RGL1: variants seen among roughly 807,000 people sequenced by gnomAD.
RGL1 encodes ral guanine nucleotide dissociation stimulator-like 1.
A neutral mutation model predicts 95.2 loss-of-function variants in RGL1; 24 were observed. The observed-to-expected ratio is 0.25, with a 90% CI of 0.18 to 0.35. The LOEUF is 0.35. Ranked by LOEUF, RGL1 falls within the 10% of genes least tolerant of loss-of-function variation. The pLI is 1.00. For missense variants in RGL1, 715 were observed against 936.3 expected (o/e 0.76, Z 3.08); for synonymous variants, 329 against 344.9 (o/e 0.95, Z 0.51).
intron 2 of RGL1, among the ~76,000 whole-genome samples, chr1:183,750,007 C>A (rs971565130): frequency 6.6e-6 from 1 of 152,142 alleles, no homozygotes; most frequent in Non-Finnish European, 1.5e-5. Context: ...TTCTTCATTT[C>A]AACCTTGGTG....
intron 2 of RGL1, among the ~76,000 whole-genome samples, chr1:183,749,006 CT>C (rs1429229704): frequency 6.6e-6 from 1 of 152,136 alleles, no homozygotes; most frequent in Non-Finnish European, 1.5e-5. Context: ...GATTTCAATT[CT>C]TTTACATTTG....
intron 1 of RGL1, among the ~76,000 whole-genome samples, chr1:183,715,630 A>T (rs893061506): frequency 1.1e-4 from 16 of 152,160 alleles, no homozygotes; most frequent in African/African-American, 3.6e-4. Flanking sequence ...CAATTAGCCC[A>T]TGCAATCCTT....
At chr1:183,675,418 T>C (rs1652761765) in intron 1 of RGL1, among the ~76,000 whole-genome samples, 1 of 140,864 alleles carries the variant, frequency 7.1e-6, no homozygotes, top group Admixed American at 7.1e-5. Flanking sequence ...TTTTTTTCTC[T>C]CTTTTGGTAT....
intron 17 of RGL1, among the ~76,000 whole-genome samples, chr1:183,922,745 C>T (rs1355110619): frequency 6.6e-6 from 1 of 152,134 alleles, no homozygotes; most frequent in Non-Finnish European, 1.5e-5. Flanking sequence ...TTAGTGGTTC[C>T]TGTAATAATT....
At chr1:183,922,528 T>C (rs1669371778) in intron 17 of RGL1, among the ~76,000 whole-genome samples, 192 bp downstream of exon 17, 1 of 152,174 alleles carries the variant, frequency 6.6e-6, no homozygotes, top group Non-Finnish European at 1.5e-5. Context: ...CTCAAACCGC[T>C]CTCCGATTCC....
At chr1:183,798,177 G>C (rs536429425) in intron 2 of RGL1, among the ~76,000 whole-genome samples, 1 of 151,920 alleles carries the variant, frequency 6.6e-6, no homozygotes, top group Non-Finnish European at 1.5e-5. Flanking sequence ...ATTTTTCTTC[G>C]CATGGTATTA....
chr1:183,880,846 C>G (rs772371983), intron 5 of RGL1, 46 bp downstream of exon 5: 2 of 1,569,118 alleles, frequency 1.3e-6, no homozygotes, highest in South Asian at 2.3e-5. Flanking sequence ...TTCTGATTCT[C>G]CAGCCTCCAC....
rs193060660 is a variant in RGL1 at position 183,872,808 on chromosome 1, A to G, written c.425+6735A>G. On this transcript the variant is annotated intron_variant, in intron 4 of 17. Transcript: ENST00000360851. ...TTCAGATGCCCTAAGAAGGCAATTG[A>G]AATTAATTGGAGTGATTATAACAAA... Among the ~76,000 whole-genome samples the G allele has an allele frequency of 1.3e-3, 203 of 152,348 alleles. 2 individuals carry two copies. The highest frequency in any genetic ancestry group is 2.1e-4 in the Non-Finnish European group (14 of 68,032).
intron 9 of RGL1, among the ~76,000 whole-genome samples, chr1:183,895,175 C>T (rs940785333): frequency 2.6e-5 from 4 of 152,180 alleles, no homozygotes; most frequent in African/African-American, 9.7e-5. Flanking sequence ...TCTGTTACAA[C>T]TGTGACAGTT....
At chr1:183,727,666 A>G (rs982773701) in intron 1 of RGL1, among the ~76,000 whole-genome samples, 2 of 152,180 alleles carry the variant, frequency 1.3e-5, no homozygotes, top group Non-Finnish European at 2.9e-5. Flanking sequence ...AACTGTCTTT[A>G]TTCACAGATG....
chr1:183,691,172 T>G (rs951522353), intron 1 of RGL1, among the ~76,000 whole-genome samples: 40 of 152,226 alleles, frequency 2.6e-4, no homozygotes, highest in Admixed American at 6.5e-4. Context: ...AAATCTGCAT[T>G]TCATCATAAA....
chr1:183,651,015 A>G (rs1222964913), intron 1 of RGL1, among the ~76,000 whole-genome samples: 1 of 152,188 alleles, frequency 6.6e-6, no homozygotes, highest in East Asian at 1.9e-4. Flanking sequence ...ATTTTTATGC[A>G]TCAAGAATAT....
chr1:183,727,589 A>T (rs1656383917), intron 1 of RGL1, among the ~76,000 whole-genome samples: 1 of 152,112 alleles, frequency 6.6e-6, no homozygotes. Context: ...TCTATTGAAG[A>T]CTCTTGCCAG....
At chr1:183,805,971 C>CTTTTCTTTTTTTTTTTTTTTTTTTTT (rs1661282214) in intron 1 of RGL1, among the ~76,000 whole-genome samples, 1 of 74,678 alleles carries the variant, frequency 1.3e-5, no homozygotes, top group African/African-American at 5.1e-5. Flanking sequence ...CTTTTCTTTT[C>CTTTTCTTTTTTTTTTTTTTTTTTTTT]TTTTTTTTTT....
chr1:183,706,665 C>T (rs536972542), intron 1 of RGL1, among the ~76,000 whole-genome samples: 2 of 152,292 alleles, frequency 1.3e-5, no homozygotes, highest in African/African-American at 4.8e-5. Flanking sequence ...TTGAAACAGG[C>T]ACCAGGTGGA....
chr1:183,822,380 A>G (rs908237256), intron 2 of RGL1, among the ~76,000 whole-genome samples: 1 of 152,112 alleles, frequency 6.6e-6, no homozygotes, highest in African/African-American at 2.4e-5. Flanking sequence ...GTAGACTTAG[A>G]TAGCATTCAT....
chr1:183,885,451 A>T (rs1191287059), intron 7 of RGL1, among the ~76,000 whole-genome samples: 1 of 152,234 alleles, frequency 6.6e-6, no homozygotes, highest in African/African-American at 2.4e-5. Context: ...CAGAGATCTC[A>T]TATTAATCTG....
At chr1:183,757,740 G>A (rs565314055) in intron 2 of RGL1, among the ~76,000 whole-genome samples, 1 of 152,272 alleles carries the variant, frequency 6.6e-6, no homozygotes, top group African/African-American at 2.4e-5. Flanking sequence ...CACAGCCATA[G>A]GTACATTTTC....
At chr1:183,877,389 T>G (rs1412821494) in intron 4 of RGL1, among the ~76,000 whole-genome samples, 1 of 152,250 alleles carries the variant, frequency 6.6e-6, no homozygotes, top group Non-Finnish European at 1.5e-5. Context: ...TCATCATTAT[T>G]TTGCGATGTT....
Sources: gnomAD v4.1 joint callset for allele counts (sites outside exome capture counted in the v4.1 genomes callset) on GRCh38, gnomAD v4.1.1 for gene constraint, MANE v1.5 for transcripts, NCBI Gene and HGNC (gene_info 2026-07-23, HGNC 2026-07-21) for gene names.